RAD51B: variants seen among roughly 807,000 people sequenced by gnomAD.
The protein encoded by RAD51B is RAD51 paralog B.
A neutral mutation model predicts 42.2 loss-of-function variants in RAD51B; 38 were observed. The ratio of observed to expected loss-of-function variants is 0.90; its 90% CI spans 0.70 to 1.18. The LOEUF is 1.18. Ranked by LOEUF, RAD51B falls within the 50% of genes most tolerant of loss-of-function variation. The probability of loss-of-function intolerance (pLI) is 0.00; values close to 1 mark genes in which losing one functional copy is unlikely to be tolerated. For synonymous variants in RAD51B, 154 were observed against 145.2 expected, an observed-to-expected ratio of 1.06 and a Z score of -0.43; for missense variants, 373 against 400.7, an observed-to-expected ratio of 0.93 and a Z score of 0.59.
intron 7 of RAD51B, among the ~76,000 whole-genome samples, chr14:68,269,235 T>C (rs1158483311): frequency 6.6e-6 from 1 of 152,200 alleles, no homozygotes; most frequent in Admixed American, 6.5e-5. Context: ...TCAGCACATT[T>C]TAAAACATAA....
At chr14:68,145,871 A>G (rs7141138) in intron 7 of RAD51B, among the ~76,000 whole-genome samples, 1 of 152,250 alleles carries the variant, frequency 6.6e-6, no homozygotes, top group African/African-American at 2.4e-5. Flanking sequence ...AAACACTATT[A>G]GATAAATCTA....
chr14:67,974,574 A>G (rs576354583), intron 7 of RAD51B, among the ~76,000 whole-genome samples: 2 of 152,254 alleles, frequency 1.3e-5, no homozygotes, highest in East Asian at 3.9e-4. Flanking sequence ...TTTTGTCATA[A>G]GGAGGGTATA....
rs112325959 is a variant in RAD51B, at chr14:68,323,808, C to T, written c.853+31828C>T. On this transcript the variant is annotated intron_variant, in intron 8 of 10. Transcript: ENST00000471583. ...AGACTCCTGGGGAAGCCCAGCCCTG[C>T]ATCAGAGAAAGTGATGCACTGATGC... is the stretch of plus-strand genomic sequence containing the variant. Among the ~76,000 whole-genome samples the T allele has an allele frequency of 6.8e-4, 104 of 152,254 alleles. 1 individual carries two copies. The highest frequency in any genetic ancestry group is 2.5e-3 in the African/African-American group (102 of 41,546).
At chr14:68,660,059 A>T (rs1892901692) in intron 11 of RAD51B, among the ~76,000 whole-genome samples, 1 of 152,196 alleles carries the variant, frequency 6.6e-6, no homozygotes, top group African/African-American at 2.4e-5. Context: ...TGGATTACGA[A>T]CTCAAATGCC....
At chr14:68,590,241 G>T (rs902639053) in intron 10 of RAD51B, among the ~76,000 whole-genome samples, 28 of 152,214 alleles carry the variant, frequency 1.8e-4, no homozygotes, top group African/African-American at 6.8e-4. Flanking sequence ...GACTGATGGA[G>T]TGAGAGCTGA....
intron 7 of RAD51B, among the ~76,000 whole-genome samples, chr14:68,266,757 A>G (rs890303945): frequency 1.3e-5 from 2 of 152,226 alleles, no homozygotes; most frequent in Non-Finnish European, 2.9e-5. Context: ...TCTTTTGACA[A>G]ATTACATGTA....
At chr14:68,087,893 A>C (rs968078805) in intron 7 of RAD51B, among the ~76,000 whole-genome samples, 1 of 117,740 alleles carries the variant, frequency 8.5e-6, no homozygotes, top group Non-Finnish European at 1.6e-5. Context: ...ATTATATAAT[A>C]TATTATTTAT....
At chr14:67,905,194 T>A (rs1347942519) in intron 7 of RAD51B, among the ~76,000 whole-genome samples, 1 of 152,096 alleles carries the variant, frequency 6.6e-6, no homozygotes. Flanking sequence ...TGGGATTACT[T>A]GTTTTCATAA....
intron 5 of RAD51B, among the ~76,000 whole-genome samples, chr14:67,885,011 A>G (rs1256355510): frequency 6.6e-6 from 1 of 152,212 alleles, no homozygotes; most frequent in East Asian, 1.9e-4. Flanking sequence ...AAAACAAAAT[A>G]TAGGATGCTT....
rs148153535 is a variant in RAD51B, at chr14:68,458,627, G to C, written c.958-9545G>C. Among the ~76,000 whole-genome samples the C allele has an allele frequency of 5.8e-3, 867 of 150,376 alleles. 6 individuals carry two copies. The highest frequency in any genetic ancestry group is 0.018 in the African/African-American group (748 of 41,100). On this transcript the variant is annotated intron_variant, in intron 9 of 10. Transcript: ENST00000471583. ...AGGAAATAGGATCTTATAACCTCAG[G>C]GTCAAAATTCCTAAGAGACTCTTCC...
chr14:68,463,702 C>T (rs973505972), intron 9 of RAD51B, among the ~76,000 whole-genome samples: 3 of 152,054 alleles, frequency 2.0e-5, no homozygotes, highest in African/African-American at 7.2e-5. Context: ...CATAGAAAAG[C>T]AATATGAATT....
intron 8 of RAD51B, among the ~76,000 whole-genome samples, chr14:68,390,794 T>G (rs1439052546): frequency 2.6e-5 from 4 of 152,246 alleles, no homozygotes; most frequent in African/African-American, 4.8e-5. Flanking sequence ...AGAAGCTTAC[T>G]TTAGTGTTTC....
intron 7 of RAD51B, among the ~76,000 whole-genome samples, chr14:68,036,618 G>A (rs2140382537): frequency 6.6e-6 from 1 of 152,228 alleles, no homozygotes. Flanking sequence ...TGCTGATATT[G>A]AGAATTTGGG....
chr14:67,877,425 G>A (rs1164188281), intron 5 of RAD51B, among the ~76,000 whole-genome samples: 2 of 151,982 alleles, frequency 1.3e-5, no homozygotes, highest in Non-Finnish European at 2.9e-5. Context: ...GATTGACTCC[G>A]AGAAAAGATC....
chr14:68,110,817 G>A (rs2077448695), intron 7 of RAD51B, among the ~76,000 whole-genome samples: 2 of 151,892 alleles, frequency 1.3e-5, no homozygotes, highest in South Asian at 4.1e-4. Context: ...GCGATACTGT[G>A]GCTCTCTTCC....
chr14:68,646,874 G>GA (rs1257132968), intron 10 of RAD51B, among the ~76,000 whole-genome samples: 1 of 152,038 alleles, frequency 6.6e-6, no homozygotes, highest in Non-Finnish European at 1.5e-5. Flanking sequence ...TATACATAAA[G>GA]AAAAATCTAT....
rs75786315 is a variant in RAD51B, at chr14:68,259,558, A to G, written c.757-32326A>G. On this transcript the variant is annotated intron_variant, in intron 7 of 10. Transcript: ENST00000471583. ...ATCATGTGTAATTTAACAAGATGGC[A>G]TTTATCTTTTTTTTAAGAGACTGAA... Among the ~76,000 whole-genome samples, 207 of 152,310 alleles carry G rather than the reference A, an allele frequency of 1.4e-3. 5 individuals are homozygous for G. The East Asian group carries it at 0.036, about 26-fold the overall frequency.
At position 68,425,971 on chromosome 14, in the gene RAD51B, T is replaced by TCTTTCTTTCTTTCTTC. The variant is rs1566876480; in HGVS notation, c.957+14451_957+14452insTCTTTCTTCCTTTCTT. ...TTCTTTCTTTCTTTCTTTCTTTCTT[T>TCTTTCTTTCTTTCTTC]CTTTCTTCCTTCCTTCCTTCCTTCC... On this transcript the variant is annotated intron_variant, in intron 9 of 10. Transcript: ENST00000471583. Among the ~76,000 whole-genome samples the TCTTTCTTTCTTTCTTC allele has an allele frequency of 3.7e-5, 3 of 81,864 alleles. No homozygotes were observed. In the East Asian group the frequency reaches 7.2e-4, roughly 20 times the overall value. The allele number at this position is 81,864 out of a possible 152,430, so 53.7% of individuals were successfully genotyped here.
chr14:68,049,675 CACA>C (rs2140416042), intron 7 of RAD51B, among the ~76,000 whole-genome samples: 1 of 152,316 alleles, frequency 6.6e-6, no homozygotes, highest in Non-Finnish European at 1.5e-5. Context: ...AACAATTCTT[CACA>C]ATATCTCTTG....
Sources: gnomAD v4.1 joint callset for allele counts (sites outside exome capture counted in the v4.1 genomes callset) on GRCh38, gnomAD v4.1.1 for gene constraint, MANE v1.5 for transcripts, NCBI Gene and HGNC (gene_info 2026-07-23, HGNC 2026-07-21) for gene names.